Variants in COMMD10 observed in about 807,000 individuals in gnomAD.
COMMD10 encodes the protein COMM domain-containing protein 10.
Under a neutral mutation model 28.9 loss-of-function variants are expected in COMMD10, and 33 were observed. That is an observed-to-expected ratio of 1.14 (90% CI 0.87 to 1.53). The LOEUF (loss-of-function observed/expected upper bound fraction) is 1.53. COMMD10 is among the 40% of genes most tolerant of loss of function. COMMD10 has a pLI of 0.00. For missense variants in COMMD10, 310 were observed against 233.4 expected, an observed-to-expected ratio of 1.33 and a Z score of -2.14; for synonymous variants, 110 against 81.7, an observed-to-expected ratio of 1.35 and a Z score of -1.87.
chr5:116,235,621 A>G (rs1325464593), intron 5 of COMMD10, among the ~76,000 whole-genome samples: 4 of 152,172 alleles, frequency 2.6e-5, no homozygotes, highest in Admixed American at 2.0e-4. Flanking sequence ...TAGTTTGGGT[A>G]TATAGAATTC....
chr5:116,146,005 G>C (rs1464091811), intron 5 of COMMD10, among the ~76,000 whole-genome samples: 2 of 151,828 alleles, frequency 1.3e-5, no homozygotes, highest in African/African-American at 4.8e-5. Flanking sequence ...TTTCCTAGAG[G>C]TTTATAGAGG....
At chr5:116,179,653 G>C (rs1173976738) in intron 5 of COMMD10, among the ~76,000 whole-genome samples, 4 of 152,152 alleles carry the variant, frequency 2.6e-5, no homozygotes, top group African/African-American at 9.7e-5. Flanking sequence ...TTAGTAACCT[G>C]GGCCTGGATT....
At chr5:116,180,720 AT>A (rs1032601855) in intron 5 of COMMD10, among the ~76,000 whole-genome samples, 1 of 152,130 alleles carries the variant, frequency 6.6e-6, no homozygotes, top group African/African-American at 2.4e-5. Context: ...TCTTAAAACT[AT>A]TTTTATAAAA....
intron 5 of COMMD10, among the ~76,000 whole-genome samples, chr5:116,291,016 T>C (rs1033675064): frequency 6.6e-6 from 1 of 152,188 alleles, no homozygotes; most frequent in African/African-American, 2.4e-5. Context: ...GAACTTTTGC[T>C]GAGTCTATAC....
chr5:116,241,120 A>T (rs776802708), intron 5 of COMMD10, among the ~76,000 whole-genome samples: 22 of 152,296 alleles, frequency 1.4e-4, no homozygotes, highest in Admixed American at 7.8e-4. Flanking sequence ...CTTCAGAACT[A>T]CTAATTGAGG....
At position 116,132,265 on chromosome 5, in the gene COMMD10, G is replaced by A. The variant is rs779951020; in HGVS notation, c.400-1803G>A. 1.2e-3 allele frequency among the ~76,000 whole-genome samples: 186 copies of A among 152,084 alleles called. 1 individual carries two copies. Among genetic ancestry groups the A allele is most frequent in the Non-Finnish European group, 1.2e-4 (8 of 67,974 alleles). On this transcript the variant is annotated intron_variant, in intron 4 of 6. Transcript: ENST00000274458. ...ATAGTTTCCAAAATCCTTTAGGTGTGCATGTTATTGGATATTATCAGTAAC... is the reference window on the plus strand; with the variant it reads ...ATAGTTTCCAAAATCCTTTAGGTGTACATGTTATTGGATATTATCAGTAAC...
chr5:116,186,830 T>G (rs1191210638), intron 5 of COMMD10, among the ~76,000 whole-genome samples: 2 of 152,146 alleles, frequency 1.3e-5, no homozygotes, highest in Non-Finnish European at 2.9e-5. Context: ...TAATGAATTT[T>G]AAGTGGAGGA....
chr5:116,130,081 C>G (rs567504376), intron 4 of COMMD10, among the ~76,000 whole-genome samples: 17 of 151,502 alleles, frequency 1.1e-4, no homozygotes, highest in Non-Finnish European at 2.5e-4. Flanking sequence ...AGAAAAGGCT[C>G]TGGAAATTAA....
rs576979934 is a variant in COMMD10, at chr5:116,133,751, TAATTTAC to T, written c.400-316_400-310del. On this transcript the variant is annotated intron_variant, in intron 4 of 6. Coordinates refer to ENST00000274458, the MANE Select transcript of COMMD10 (RefSeq NM_016144.4). The stretch of plus-strand genomic sequence containing the variant: ...TTTAAAAAATACTATTTTAAAATAG[TAATTTAC>T]TATTTAATATTTAAAAACCATTGGC... Among the ~76,000 whole-genome samples the T allele has an allele frequency of 3.4e-4, 52 of 152,212 alleles. 1 individual carries two copies. Among genetic ancestry groups the T allele is most frequent in the Non-Finnish European group, 6.3e-4 (43 of 68,042 alleles).
Position 116,292,465 on chromosome 5 carries a change from A to G in COMMD10, c.585A>G (p.Gln195=), listed in dbSNP as rs1199904045. The change falls in exon 7 of 7, where the codon CAA becomes CAG. Residue 195 remains glutamine, a synonymous_variant. Transcript: ENST00000274458. ...FDFYNKLETI[Q]AQLDSLT is the part of the protein sequence containing the mutation. ...TTTGTAAATAGCTAGAGACTATACA[A>G]GCACAGCTGGATTCCCTTACATGAT... 1.9e-6 allele frequency: 3 copies of G among 1,572,318 alleles called. No individual in the cohort carries two copies. Among genetic ancestry groups the G allele is most frequent in the Non-Finnish European group, 2.6e-6 (3 of 1,159,774 alleles).
intron 5 of COMMD10, among the ~76,000 whole-genome samples, chr5:116,230,671 A>G (rs1330134050): frequency 6.6e-6 from 1 of 152,054 alleles, no homozygotes; most frequent in Non-Finnish European, 1.5e-5. Context: ...TTAAAAAAGA[A>G]AAGATTGAAG....
chr5:116,292,652 T>G lies in COMMD10; in HGVS notation c.*163T>G. On this transcript the variant is annotated 3_prime_UTR_variant, in exon 7 of 7. Coordinates refer to ENST00000274458, the MANE Select transcript of COMMD10 (RefSeq NM_016144.4). ...AAATAACAACCAATAGAGATCATTG[T>G]TAAGAATACTGAGGTTCTAATATAC... 3 of 469,676 alleles carry G rather than the reference T, an allele frequency of 6.4e-6. No individual in the cohort carries two copies. Among genetic ancestry groups the G allele is most frequent in the Non-Finnish European group, 1.1e-5 (3 of 265,380 alleles). 29.1% of individuals were successfully genotyped at this position (469,676 alleles called of 1,614,324 possible). A position where few individuals can be genotyped will look rare whatever the true frequency, so the allele number is the denominator to read the frequency against.
intron 1 of COMMD10, among the ~76,000 whole-genome samples, chr5:116,086,571 C>T (rs1428750389): frequency 1.3e-5 from 2 of 152,058 alleles, no homozygotes; most frequent in Admixed American, 6.5e-5. Context: ...CGATTCTCCT[C>T]CCTGAGCCTC....
intron 4 of COMMD10, among the ~76,000 whole-genome samples, chr5:116,128,711 A>T (rs1006769647): frequency 1.3e-5 from 2 of 152,120 alleles, no homozygotes; most frequent in Non-Finnish European, 2.9e-5. Flanking sequence ...GGCAAATAAT[A>T]TAAGAATATA....
At chr5:116,173,704 T>C (rs1298478206) in intron 5 of COMMD10, among the ~76,000 whole-genome samples, 1 of 152,120 alleles carries the variant, frequency 6.6e-6, no homozygotes, top group Non-Finnish European at 1.5e-5. Context: ...TCATAAATTA[T>C]CCACCTGCTC....
intron 4 of COMMD10, among the ~76,000 whole-genome samples, chr5:116,125,800 G>A (rs544259142): frequency 9.9e-5 from 15 of 151,656 alleles, no homozygotes; most frequent in Admixed American, 8.6e-4. Flanking sequence ...TCATTTGATC[G>A]TCAGTCACTG....
At chr5:116,225,431 C>G (rs1382342) in intron 5 of COMMD10, among the ~76,000 whole-genome samples, 4 of 146,526 alleles carry the variant, frequency 2.7e-5, no homozygotes, top group Admixed American at 6.8e-5. Flanking sequence ...TGAAATGACT[C>G]TGGGTTCTGT....
At chr5:116,188,757 T>C (rs563436462) in intron 5 of COMMD10, among the ~76,000 whole-genome samples, 34 of 150,878 alleles carry the variant, frequency 2.3e-4, no homozygotes, top group Non-Finnish European at 3.5e-4. Context: ...GCCTCCCAAG[T>C]AGCTGAGACT....
At chr5:116,140,874 G>T (rs1001524174) in intron 5 of COMMD10, among the ~76,000 whole-genome samples, 2 of 151,808 alleles carry the variant, frequency 1.3e-5, no homozygotes, top group Non-Finnish European at 2.9e-5. Context: ...TTTTCTTCCA[G>T]TCTGTAGGCT....
Sources: gnomAD v4.1 joint callset for allele counts (sites outside exome capture counted in the v4.1 genomes callset) on GRCh38, gnomAD v4.1.1 for gene constraint, MANE v1.5 for transcripts, NCBI Gene and HGNC (gene_info 2026-07-23, HGNC 2026-07-21) for gene names.